Variants in CTNNA3 observed in about 807,000 individuals in gnomAD.
CTNNA3 encodes catenin alpha-3.
In CTNNA3, 76 loss-of-function variants were observed where a neutral mutation model predicts 95.7. The observed-to-expected ratio is 0.79, with a 90% CI of 0.66 to 0.96. The LOEUF is 0.96. CTNNA3 is among the 40% of genes least tolerant of loss of function. The pLI is 0.00. For synonymous variants in CTNNA3, 431 were observed against 374.4 expected (o/e 1.15, Z -1.74); for missense variants, 1,191 against 1,089.8 (o/e 1.09, Z -1.31).
chr10:66,628,913 G>A (rs1230942193), intron 9 of CTNNA3, among the ~76,000 whole-genome samples: 1 of 152,056 alleles, frequency 6.6e-6, no homozygotes, highest in Non-Finnish European at 1.5e-5. Flanking sequence ...TATTAATTAA[G>A]AAGTTACTAG....
At chr10:67,271,200 G>C (rs1294894252) in intron 5 of CTNNA3, among the ~76,000 whole-genome samples, 1 of 152,096 alleles carries the variant, frequency 6.6e-6, no homozygotes, top group Non-Finnish European at 1.5e-5. Flanking sequence ...ATATGGTTAG[G>C]CTTTGCGTTC....
intron 11 of CTNNA3, among the ~76,000 whole-genome samples, chr10:66,462,003 A>G (rs964858718): frequency 1.5e-4 from 22 of 151,696 alleles, no homozygotes; most frequent in African/African-American, 4.4e-4. Context: ...TGGTAGAGAC[A>G]GGTTTCATCA....
chr10:67,718,707 G>T (rs1439874734), intron 1 of CTNNA3, among the ~76,000 whole-genome samples: 1 of 152,120 alleles, frequency 6.6e-6, no homozygotes, highest in African/African-American at 2.4e-5. Flanking sequence ...GATTTGGTTT[G>T]CATTTTATTG....
At chr10:66,445,393 C>T (rs1432622303) in intron 11 of CTNNA3, among the ~76,000 whole-genome samples, 5 of 152,132 alleles carry the variant, frequency 3.3e-5, no homozygotes, top group African/African-American at 7.2e-5. Context: ...CCACACCACA[C>T]CTATTCCAAA....
chr10:66,253,649 T>A (rs10762041), intron 13 of CTNNA3, among the ~76,000 whole-genome samples: 25,958 of 152,134 alleles, frequency 0.17, 2,496 homozygotes, highest in Admixed American at 0.26. Context: ...TCTTTCACAA[T>A]AGTTTTGCAT....
At chr10:66,819,957 C>T (rs12220974) in intron 7 of CTNNA3, among the ~76,000 whole-genome samples, 30 of 151,948 alleles carry the variant, frequency 2.0e-4, no homozygotes, top group African/African-American at 6.0e-4. Context: ...TAGTTACCAG[C>T]TCATCCAGCA....
At chr10:67,589,313 C>T (rs928598225) in intron 3 of CTNNA3, among the ~76,000 whole-genome samples, 3 of 152,140 alleles carry the variant, frequency 2.0e-5, no homozygotes. Context: ...CCAATATACT[C>T]TGGGTGCCCA....
chr10:67,334,768 G>A (rs1039278432), intron 5 of CTNNA3: 1 of 153,262 alleles, frequency 6.5e-6, no homozygotes, highest in Admixed American at 6.5e-5. Flanking sequence ...CTAACTACAA[G>A]GTTAGATATA....
At chr10:66,555,165 C>G (rs954467530) in intron 10 of CTNNA3, among the ~76,000 whole-genome samples, 1 of 152,188 alleles carries the variant, frequency 6.6e-6, no homozygotes, top group East Asian at 1.9e-4. Context: ...TTTTGCTTCA[C>G]TTTTATTCTT....
At chr10:67,433,428 T>C (rs376541439) in intron 5 of CTNNA3, among the ~76,000 whole-genome samples, 1 of 151,960 alleles carries the variant, frequency 6.6e-6, no homozygotes, top group Non-Finnish European at 1.5e-5. Flanking sequence ...TTGCAAGAAT[T>C]ACCAAAATGT....
chr10:66,138,685 T>C (rs2083467562), intron 13 of CTNNA3, among the ~76,000 whole-genome samples: 1 of 151,844 alleles, frequency 6.6e-6, no homozygotes, highest in Non-Finnish European at 1.5e-5. Flanking sequence ...AAATACAAAA[T>C]ACAAAAATAT....
intron 7 of CTNNA3, among the ~76,000 whole-genome samples, chr10:67,006,118 A>G (rs1851971923): frequency 6.6e-6 from 1 of 152,260 alleles, no homozygotes; most frequent in East Asian, 1.9e-4. Context: ...CTTTGCAACT[A>G]TCTTGCAAGG....
At chr10:66,916,417 A>T (rs917175522) in intron 7 of CTNNA3, among the ~76,000 whole-genome samples, 3 of 152,224 alleles carry the variant, frequency 2.0e-5, no homozygotes, top group African/African-American at 7.2e-5. Flanking sequence ...GATTGCACCT[A>T]AAAAGAGTAA....
intron 1 of CTNNA3, among the ~76,000 whole-genome samples, chr10:67,748,917 T>C (rs1455934368): frequency 6.6e-6 from 1 of 152,154 alleles, no homozygotes; most frequent in African/African-American, 2.4e-5. Context: ...GCACATGTCT[T>C]TGCACATAAT....
chr10:67,559,534 T>A (rs1004449315), intron 3 of CTNNA3, among the ~76,000 whole-genome samples: 1 of 151,632 alleles, frequency 6.6e-6, no homozygotes, highest in East Asian at 1.9e-4. Context: ...ACCACAAAGA[T>A]GGGGAAAAAA....
intron 5 of CTNNA3, among the ~76,000 whole-genome samples, chr10:67,243,937 C>T (rs1008568787): frequency 5.9e-5 from 9 of 152,190 alleles, no homozygotes; most frequent in African/African-American, 2.2e-4. Flanking sequence ...GTCTTCATTC[C>T]TCCATCCACT....
rs1488291798 is a variant in CTNNA3, at chr10:66,511,534, T to C, written c.1531+9083A>G. Among the ~76,000 whole-genome samples the C allele has an allele frequency of 7.2e-5, 11 of 151,856 alleles. No homozygotes were observed. The East Asian group carries it at 2.1e-3, about 29-fold the overall frequency. On this transcript the variant is annotated intron_variant, in intron 11 of 17. Coordinates refer to ENST00000433211, the MANE Select transcript of CTNNA3 (RefSeq NM_013266.4). The stretch of plus-strand genomic sequence containing the variant: ...TCCCTCTTGTACTATTTTTTCTGTG[T>C]TCCATAGGTTTTTTGGTATGTCTTG...
intron 13 of CTNNA3, among the ~76,000 whole-genome samples, chr10:66,233,835 G>A (rs991816001): frequency 6.6e-6 from 1 of 152,150 alleles, no homozygotes; most frequent in Non-Finnish European, 1.5e-5. Context: ...ACTTAAATGT[G>A]TGTTAAAGCA....
intron 3 of CTNNA3, among the ~76,000 whole-genome samples, chr10:67,552,026 T>C (rs943066341): frequency 2.0e-5 from 3 of 152,194 alleles, no homozygotes; most frequent in Non-Finnish European, 4.4e-5. Flanking sequence ...ATTCTTTCTT[T>C]TGGGTTATCA....
Sources: gnomAD v4.1 joint callset for allele counts (sites outside exome capture counted in the v4.1 genomes callset) on GRCh38, gnomAD v4.1.1 for gene constraint, MANE v1.5 for transcripts, NCBI Gene and HGNC (gene_info 2026-07-23, HGNC 2026-07-21) for gene names.